The following AIFM3 variants were observed in gnomAD, a reference collection of about 807,000 sequenced individuals.
The protein encoded by AIFM3 is apoptosis-inducing factor 3.
A neutral mutation model predicts 82.7 loss-of-function variants in AIFM3; 71 were observed. That is an observed-to-expected ratio of 0.86 (90% CI 0.71 to 1.05). The LOEUF (loss-of-function observed/expected upper bound fraction) is 1.05, where lower values mean the gene tolerates loss of function less well. Ranked by LOEUF, AIFM3 falls within the 50% of genes least tolerant of loss-of-function variation. AIFM3 has a pLI of 0.00. For missense variants in AIFM3, 748 were observed against 816.7 expected (o/e 0.92, Z 1.03); for synonymous variants, 337 against 329.1 (o/e 1.02, Z -0.26).
chr22:20,976,744 G>C lies in AIFM3; in HGVS notation c.1124G>C (p.Arg375Pro). Residue 375 changes from arginine to proline, a missense_variant, in exon 12 of 21, where the codon CGC becomes CCC. By Grantham distance (103) the Arg-to-Pro change is moderately radical. This residue lies in a region of AIFM3 where 393 missense variants were observed against 481.1 expected (regional missense o/e 0.82). Coordinates refer to ENST00000440238, the MANE Select transcript of AIFM3 (RefSeq NM_001386814.1). ...CCCTTCAGGAGGTTCCTGGGGGAGCGCGTGGGTCGTGCCCTCATGAAGGTG... is the reference window on the plus strand; with the variant it reads ...CCCTTCAGGAGGTTCCTGGGGGAGCCCGTGGGTCGTGCCCTCATGAAGGTG... ...ETPFRRFLGERVGRALMKMFE... is the reference protein window; with the variant it reads ...ETPFRRFLGEPVGRALMKMFE... 6.2e-7 allele frequency: 1 copy of C among 1,611,016 alleles called. No homozygotes were observed. Among genetic ancestry groups the C allele is most frequent in the Non-Finnish European group, 8.5e-7 (1 of 1,178,592 alleles).
chr22:20,980,535 C>A, intron 19 of AIFM3: 1 of 648,214 alleles, frequency 1.5e-6, no homozygotes, highest in Non-Finnish European at 2.8e-6. Context: ...TCACTCAACA[C>A]CAGCCAGTTC....
intron 2 of AIFM3, among the ~76,000 whole-genome samples, chr22:20,971,370 C>G (rs1348625763): frequency 3.3e-5 from 5 of 152,202 alleles, no homozygotes; most frequent in African/African-American, 4.8e-5. Flanking sequence ...AGGAACTGAC[C>G]TTTTCTTTGC....
chr22:20,977,228 C>G, intron 14 of AIFM3, 133 bp downstream of exon 14: 1 of 1,257,610 alleles, frequency 8.0e-7, no homozygotes, highest in Non-Finnish European at 1.1e-6. Context: ...GAACCCCCAA[C>G]CGCCCCCACT....
chr22:20,977,374 T>C (rs178273), intron 14 of AIFM3: 558,020 of 604,300 alleles, frequency 0.92, 258,852 homozygotes, highest in East Asian at 0.96. Flanking sequence ...CGAACTGGCT[T>C]CTGCTCCAGC....
At position 20,976,549 on chromosome 22, in the gene AIFM3, G is replaced by T. The variant is rs747563522; in HGVS notation, c.1030+11G>T. On this transcript the variant is annotated intron_variant, in intron 11 of 20. Coordinates refer to ENST00000440238, the MANE Select transcript of AIFM3 (RefSeq NM_001386814.1). ...GAGCCGGCTTCCTGGGTGAGAGGTA[G>T]TGGGCAGTGGAGATGGTGGTCAGGT... is the stretch of plus-strand genomic sequence containing the variant. 6.2e-7 allele frequency: 1 copy of T among 1,613,082 alleles called. No individual in the cohort carries two copies. Among genetic ancestry groups the T allele is most frequent in the Admixed American group, 1.7e-5 (1 of 60,030 alleles).
chr22:20,976,201 G>T lies in AIFM3; in HGVS notation c.808-14G>T. On this transcript the variant is annotated splice_polypyrimidine_tract_variant and intron_variant, in intron 9 of 20. Transcript: ENST00000440238. ...CCATGCCCAAGCTCATGCTCTGCCT[G>T]GTGGGGATTGCAGGTGGTCACAGTG... The T allele has an allele frequency of 6.2e-7, 1 of 1,611,244 alleles. No homozygotes were observed. Among genetic ancestry groups the T allele is most frequent in the African/African-American group, 1.3e-5 (1 of 75,046 alleles).
rs11394603 is a variant in AIFM3 at position 20,977,220 on chromosome 22, A to AC, written c.1282+130dup. ...TTTCCACCACATCTGTCAAATGGGA[A>AC]CCCCCAACCGCCCCCACTTTACGGA... On this transcript the variant is annotated intron_variant, in intron 14 of 20. Coordinates refer to ENST00000440238, the MANE Select transcript of AIFM3 (RefSeq NM_001386814.1). The AC allele has an allele frequency of 7.4e-4, 1,009 of 1,357,760 alleles. 2 individuals carry two copies. Among genetic ancestry groups the AC allele is most frequent in the African/African-American group, 2.3e-3 (160 of 69,332 alleles). 84.1% of individuals were successfully genotyped at this position (1,357,760 alleles called of 1,614,324 possible). A position where few individuals can be genotyped will look rare whatever the true frequency, so the allele number is the denominator to read the frequency against.
rs749519659 is a variant in AIFM3, at chr22:20,977,933, G to C, written c.1405G>C (p.Val469Leu). 5.6e-6 allele frequency: 9 copies of C among 1,614,048 alleles called. No homozygotes were observed. The highest frequency in any genetic ancestry group is 1.3e-5 in the African/African-American group (1 of 74,906). The change falls in exon 16 of 21, where the codon GTC (valine) becomes CTC (leucine). Residue 469 changes from valine to leucine, a missense_variant. By Grantham distance (32) the Val-to-Leu change is conservative. This residue lies in a region of AIFM3 where 393 missense variants were observed against 481.1 expected (regional missense o/e 0.82). Coordinates refer to ENST00000440238, the MANE Select transcript of AIFM3 (RefSeq NM_001386814.1). ...VPGVFAAGDA[V>L]TFPLAWRNNR... ...AGGCGTGTTTGCAGCTGGCGATGCT[G>C]TCACCTTCCCCCTTGCCTGGAGGAA...
Position 20,973,472 on chromosome 22 carries a change from A to T in AIFM3, c.197A>T (p.Asp66Val). 6.2e-7 allele frequency: 1 copy of T among 1,612,872 alleles called. No individual in the cohort carries two copies. ...CCTCACCCCTACCCCAGCCCTCAGG[A>T]TTGCGTGGAGGCTGCTGTCTGCCAC... is the stretch of plus-strand genomic sequence containing the variant. ...STPHPYPSPQ[D>V]CVEAAVCHVK... Residue 66 changes from aspartate (D) to valine (V), a missense_variant, in exon 3 of 21, where the codon GAT (aspartate) becomes GTT (valine). By Grantham distance (152) the Asp-to-Val change is radical. This residue lies in a region of AIFM3 where 148 missense variants were observed against 134.1 expected (regional missense o/e 1.10). Transcript: ENST00000440238.
At position 20,979,837 on chromosome 22, in the gene AIFM3, A is replaced by G. The variant is rs1019403490; in HGVS notation, c.1652+135A>G. The G allele has an allele frequency of 1.9e-5, 24 of 1,266,094 alleles. No homozygotes were observed. The Admixed American group carries it at 5.1e-4, about 27-fold the overall frequency. The allele number at this position is 1,266,094 out of a possible 1,614,324, so 78.4% of individuals were successfully genotyped here. On this transcript the variant is annotated intron_variant, in intron 18 of 20. Coordinates refer to ENST00000440238, the MANE Select transcript of AIFM3 (RefSeq NM_001386814.1). The stretch of plus-strand genomic sequence containing the variant: ...AGGAGTGCTGGAGCTTCCTTAGGAA[A>G]GCCCGAAGCTTGTGCACGGTCAAGC...
chr22:20,974,220 G>T, intron 5 of AIFM3, 32 bp from the exon 6 acceptor site: 1 of 1,613,746 alleles, frequency 6.2e-7, no homozygotes, highest in Non-Finnish European at 8.5e-7. Context: ...TGTGGGGTTC[G>T]GGGCTGGTCC....
intron 3 of AIFM3, 116 bp downstream of exon 3, chr22:20,973,636 G>A (rs1923422175): frequency 5.0e-6 from 7 of 1,400,206 alleles, no homozygotes; most frequent in South Asian, 2.7e-5. Context: ...TGCTGCCCTG[G>A]TCACTGCCTT....
chr22:20,981,311 G>T lies in AIFM3; in HGVS notation c.*280G>T. On this transcript the variant is annotated 3_prime_UTR_variant, in exon 21 of 21. Transcript: ENST00000440238. ...TGGGACTGGTCCCCTGAAGAACCCT[G>T]CAACACGTTAAACATTACCGTAAAA... is the stretch of plus-strand genomic sequence containing the variant. 1 of 522,070 alleles carries T rather than the reference G, an allele frequency of 1.9e-6. No individual in the cohort carries two copies. Among genetic ancestry groups the T allele is most frequent in the Non-Finnish European group, 3.5e-6 (1 of 286,358 alleles). 32.3% of individuals were successfully genotyped at this position (522,070 alleles called of 1,614,324 possible).
rs201385474 is a variant in AIFM3 at position 20,976,333 on chromosome 22, G to A, written c.899+27G>A. ...TGGGAGGGTCTCCTTTTTACCCATC[G>A]GACACTAGGCAGGGCACTGGCCTGG... On this transcript the variant is annotated intron_variant, in intron 10 of 20. Coordinates refer to ENST00000440238, the MANE Select transcript of AIFM3 (RefSeq NM_001386814.1). 62 of 1,613,688 alleles carry A rather than the reference G, an allele frequency of 3.8e-5. No homozygotes were observed. The African/African-American group carries it at 5.3e-4, about 14-fold the overall frequency.
At chr22:20,978,089 C>T in intron 16 of AIFM3, 84 bp downstream of exon 16, 3 of 1,292,282 alleles carry the variant, frequency 2.3e-6, no homozygotes, top group African/African-American at 1.7e-5. Context: ...CAGTTGCTGA[C>T]CTTGGGTCCT....
rs375928890 is a variant in AIFM3, at chr22:20,973,825, C to T, written c.313C>T (p.Leu105=). Residue 105 remains leucine, a synonymous_variant, in exon 4 of 21, where the codon CTG becomes TTG. Coordinates refer to ENST00000440238, the MANE Select transcript of AIFM3 (RefSeq NM_001386814.1). ...GAAGGACAATGGGGAGTTCCACGCC[C>T]TGGGCCATAAGTGTCCGCACTACGG... ...LVKDNGEFHA[L]GHKCPHYGAP... is the part of the protein sequence containing the mutation. 2 of 1,579,886 alleles carry T rather than the reference C, an allele frequency of 1.3e-6. No homozygotes were observed. Among genetic ancestry groups the T allele is most frequent in the Admixed American group, 3.6e-5 (2 of 55,302 alleles).
chr22:20,977,631 G>A, intron 14 of AIFM3, 69 bp from the exon 15 acceptor site: 1 of 1,590,488 alleles, frequency 6.3e-7, no homozygotes, highest in African/African-American at 1.3e-5. Context: ...AGCGCATGCT[G>A]TAGGGTGTGG....
intron 2 of AIFM3, 79 bp from the exon 3 acceptor site, chr22:20,973,228 C>G: frequency 6.7e-7 from 1 of 1,503,708 alleles, no homozygotes; most frequent in South Asian, 1.2e-5. Context: ...CCCCGAGGAG[C>G]TGGCCTCTGC....
At chr22:20,965,812 G>A (rs1381371883), upstream of AIFM3, among the ~76,000 whole-genome samples, 2 of 152,114 alleles carry the variant, frequency 1.3e-5, no homozygotes, top group Non-Finnish European at 2.9e-5. Context: ...TGGAGCAGGG[G>A]CCGCTCTGTG....
Sources: gnomAD v4.1 joint callset for allele counts (sites outside exome capture counted in the v4.1 genomes callset) on GRCh38, gnomAD v4.1.1 for gene constraint, gnomAD v4.1.1 regional missense constraint, MANE v1.5 for transcripts, NCBI Gene and HGNC (gene_info 2026-07-23, HGNC 2026-07-21) for gene names.